CSGALNACT1: variants seen among roughly 807,000 people sequenced by gnomAD.
CSGALNACT1 encodes the protein beta4GalNAcT-1.
A neutral mutation model predicts 51.0 loss-of-function variants in CSGALNACT1; 52 were observed. The observed-to-expected ratio is 1.02, with a 90% confidence interval of 0.82 to 1.29. The LOEUF is 1.29. Among genes scored for constraint, CSGALNACT1 ranks in the 50% most tolerant of loss-of-function variants. The pLI, the probability that CSGALNACT1 is intolerant of heterozygous loss-of-function variation, is 0.00. For synonymous variants in CSGALNACT1, 341 were observed against 254.4 expected (o/e 1.34, Z -3.24); for missense variants, 935 against 679.2 (o/e 1.38, Z -4.19).
chr8:19,698,853 G>A (rs893310113), intron 1 of CSGALNACT1, among the ~76,000 whole-genome samples: 1 of 152,104 alleles, frequency 6.6e-6, no homozygotes, highest in Non-Finnish European at 1.5e-5. Context: ...ATGGGGGACT[G>A]GTTCCAGGAC....
chr8:19,683,735 T>C (rs902911505), upstream of CSGALNACT1, among the ~76,000 whole-genome samples: 13 of 152,344 alleles, frequency 8.5e-5, no homozygotes, highest in Admixed American at 7.8e-4. Context: ...CCAAAAGGAT[T>C]TTTTCTACAG....
intron 1 of CSGALNACT1, among the ~76,000 whole-genome samples, chr8:19,708,718 C>T (rs2062327721): frequency 1.3e-5 from 2 of 152,188 alleles, no homozygotes; most frequent in South Asian, 4.1e-4. Flanking sequence ...CTCCCCATTC[C>T]ACTGGCCGTT....
rs183106114 is a variant in CSGALNACT1 at position 19,496,159 on chromosome 8, A to C, written c.634+9042T>G. On this transcript the variant is annotated intron_variant, in intron 4 of 9. Transcript: ENST00000454498. ...TTTAAGATAATATGGCATTTGGGAG[A>C]AGAAATCCAAGGGCCCAACACTACT... Among the ~76,000 whole-genome samples, 23 of 152,328 alleles carry C rather than the reference A, an allele frequency of 1.5e-4. 1 individual carries two copies. The East Asian group carries it at 4.2e-3, about 28-fold the overall frequency.
At chr8:19,480,909 C>A (rs1233452445) in intron 4 of CSGALNACT1, among the ~76,000 whole-genome samples, 2 of 152,248 alleles carry the variant, frequency 1.3e-5, no homozygotes, top group South Asian at 2.1e-4. Flanking sequence ...CAACACCAGG[C>A]AATATCGACT....
At chr8:19,605,236 T>C (rs1212935462), upstream of CSGALNACT1, among the ~76,000 whole-genome samples, 1 of 152,138 alleles carries the variant, frequency 6.6e-6, no homozygotes, top group Non-Finnish European at 1.5e-5. Context: ...TAAATTCTTA[T>C]GTCAGCCTGG....
intron 3 of CSGALNACT1, among the ~76,000 whole-genome samples, chr8:19,526,300 A>G (rs2081687665): frequency 6.6e-6 from 1 of 152,214 alleles, no homozygotes; most frequent in African/African-American, 2.4e-5. Context: ...ATTTATAGAT[A>G]AAGGCCAGGC....
In CSGALNACT1 at chr8:19,706,985, A is replaced by T. The variant is rs77116929; in HGVS notation, c.-297+50865T>A. ...AGTCCTAGAGCTAAAAATATTTCAC[A>T]TAAGGGAAGCTGGTAACACTAAGGA... is the stretch of plus-strand genomic sequence containing the variant. On this transcript the variant is annotated intron_variant, in intron 1 of 1. Transcript: ENST00000517494. Among the ~76,000 whole-genome samples the T allele has an allele frequency of 8.5e-3, 1,294 of 152,172 alleles. 14 individuals carry two copies. Among genetic ancestry groups the T allele is most frequent in the African/African-American group, 0.029 (1,199 of 41,492 alleles).
intron 4 of CSGALNACT1, among the ~76,000 whole-genome samples, chr8:19,496,973 C>A (rs1026150146): frequency 3.9e-5 from 6 of 152,116 alleles, no homozygotes. Flanking sequence ...ACACTCTTCC[C>A]GGACCCTCCC....
intron 1 of CSGALNACT1, among the ~76,000 whole-genome samples, chr8:19,725,254 A>G (rs1201546648): frequency 6.6e-6 from 1 of 152,180 alleles, no homozygotes; most frequent in Non-Finnish European, 1.5e-5. Context: ...CATTCTAAAG[A>G]GATGGCTGAG....
chr8:19,448,492 A>G (rs930980643), intron 5 of CSGALNACT1, among the ~76,000 whole-genome samples: 3 of 152,194 alleles, frequency 2.0e-5, no homozygotes, highest in Non-Finnish European at 4.4e-5. Flanking sequence ...AGTTTTTTGG[A>G]AGAAACAGAC....
chr8:19,429,288 T>G (rs2059293646), intron 6 of CSGALNACT1, among the ~76,000 whole-genome samples: 1 of 152,190 alleles, frequency 6.6e-6, no homozygotes, highest in Non-Finnish European at 1.5e-5. Context: ...GTGATTCTCC[T>G]GCCTCAGCCT....
At chr8:19,451,382 A>G (rs1171481946) in intron 5 of CSGALNACT1, among the ~76,000 whole-genome samples, 1 of 152,216 alleles carries the variant, frequency 6.6e-6, no homozygotes, top group Non-Finnish European at 1.5e-5. Flanking sequence ...ATTGAACTTT[A>G]TAAAAATCGT....
intron 1 of CSGALNACT1, among the ~76,000 whole-genome samples, chr8:19,659,650 C>A (rs1194303466): frequency 6.6e-6 from 1 of 152,226 alleles, no homozygotes; most frequent in Non-Finnish European, 1.5e-5. Context: ...AAATTCTCAT[C>A]TTCTCTTTTA....
chr8:19,619,516 T>C (rs1387556798), intron 1 of CSGALNACT1, among the ~76,000 whole-genome samples: 3 of 151,060 alleles, frequency 2.0e-5, no homozygotes, highest in Admixed American at 6.6e-5. Flanking sequence ...AGACTGGAGG[T>C]GTGGAAACAA....
At chr8:19,525,995 T>G (rs1011740964) in intron 3 of CSGALNACT1, among the ~76,000 whole-genome samples, 6 of 152,190 alleles carry the variant, frequency 3.9e-5, no homozygotes, top group Non-Finnish European at 7.3e-5. Flanking sequence ...TGTGCAAGAA[T>G]GGGGAAACTA....
intron 1 of CSGALNACT1, among the ~76,000 whole-genome samples, chr8:19,748,762 C>T (rs2154252677): frequency 6.6e-6 from 1 of 152,166 alleles, no homozygotes. Flanking sequence ...GTCAGGAGTT[C>T]AAGACCAACC....
At chr8:19,686,094 T>G (rs537150057), upstream of CSGALNACT1, among the ~76,000 whole-genome samples, 12 of 152,302 alleles carry the variant, frequency 7.9e-5, no homozygotes, top group African/African-American at 2.9e-4. Flanking sequence ...GCACAGTTAA[T>G]TCTTTTTCTC....
rs545938868 is a variant in CSGALNACT1 at position 19,482,680 on chromosome 8, G to C, written c.634+22521C>G. On this transcript the variant is annotated intron_variant, in intron 4 of 9. Transcript: ENST00000454498. ...TTCCTCTGCCTATAACATAATTGTG[G>C]GTGGTCCTCAAAGTTCCGATCACAG... Among the ~76,000 whole-genome samples the C allele has an allele frequency of 1.9e-4, 29 of 152,074 alleles. No homozygotes were observed. The East Asian group carries it at 5.4e-3, about 28-fold the overall frequency.
Position 19,509,910 on chromosome 8 carries a change from A to G in CSGALNACT1, c.-296-3780T>C, listed in dbSNP as rs112707442. 7.0e-4 allele frequency among the ~76,000 whole-genome samples: 107 copies of G among 152,324 alleles called. No individual in the cohort carries two copies. The Middle Eastern group carries it at 0.017, about 24-fold the overall frequency. On this transcript the variant is annotated intron_variant, in intron 3 of 9. Transcript: ENST00000454498. ...GCAGCATTGAGCTACTATTTTAAGA[A>G]CTTAGAAAGGCACCCACATTTTTAG...
Sources: allele counts gnomAD v4.1 joint callset (sites outside exome capture counted in the v4.1 genomes callset), GRCh38; gene constraint gnomAD v4.1.1; transcripts MANE v1.5; gene names NCBI Gene and HGNC (gene_info 2026-07-23, HGNC 2026-07-21).